The following WWOX variants were observed in gnomAD, a reference collection of about 807,000 sequenced individuals.
WWOX encodes WW domain-containing oxidoreductase.
Under a neutral mutation model 46.2 loss-of-function variants are expected in WWOX, and 69 were observed. That is an observed-to-expected ratio of 1.49 (90% confidence interval 1.23 to 1.82). The LOEUF (loss-of-function observed/expected upper bound fraction) is 1.82, where lower values mean the gene tolerates loss of function less well. WWOX is among the 40% of genes most tolerant of loss of function. The pLI is 0.00. For synonymous variants in WWOX, 359 were observed against 202.6 expected, an observed-to-expected ratio of 1.77 and a Z score of -6.56; for missense variants, 919 against 542.6, an observed-to-expected ratio of 1.69 and a Z score of -6.89.
intron 8 of WWOX, among the ~76,000 whole-genome samples, chr16:78,543,774 C>G (rs536121261): frequency 1.3e-5 from 2 of 152,132 alleles, no homozygotes; most frequent in Non-Finnish European, 1.5e-5. Context: ...AATATACTGA[C>G]AATACACTGA....
intron 8 of WWOX, among the ~76,000 whole-genome samples, chr16:79,182,107 G>C (rs1028584067): frequency 4.2e-4 from 63 of 149,164 alleles, no homozygotes; most frequent in African/African-American, 1.5e-3. Flanking sequence ...GCTCACACCA[G>C]CCAGCTGGAG....
intron 8 of WWOX, chr16:78,890,126 T>G (rs1273903176): frequency 6.6e-6 from 1 of 152,142 alleles, no homozygotes; most frequent in Non-Finnish European, 1.5e-5. Flanking sequence ...TACACACATT[T>G]TTTCCTAAAC....
At chr16:78,451,410 G>A (rs553097916) in intron 8 of WWOX, among the ~76,000 whole-genome samples, 3 of 152,314 alleles carry the variant, frequency 2.0e-5, no homozygotes, top group African/African-American at 7.2e-5. Flanking sequence ...GTGGGATGGG[G>A]AGGAGCTGAG....
rs1177117163 is a variant in WWOX at position 78,474,181 on chromosome 16, T to A, written c.1056+41429T>A. Reference sequence around the variant, plus strand: ...CTGCTGAAATTTTAAGTGTTAACATTGTTCAAATTTTCATTACTAACACCT... The same window carrying A: ...CTGCTGAAATTTTAAGTGTTAACATAGTTCAAATTTTCATTACTAACACCT... On this transcript the variant is annotated intron_variant, in intron 8 of 8. Transcript: ENST00000566780. Among the ~76,000 whole-genome samples, 3 of 152,236 alleles carry A rather than the reference T, an allele frequency of 2.0e-5. No individual in the cohort carries two copies. In the East Asian group the frequency reaches 5.8e-4, roughly 29 times the overall value.
chr16:78,152,058 C>T (rs911360804), intron 4 of WWOX, among the ~76,000 whole-genome samples: 6 of 152,082 alleles, frequency 3.9e-5, no homozygotes, highest in African/African-American at 7.2e-5. Flanking sequence ...GGTGTGGTGG[C>T]GGGCGCCTGT....
intron 5 of WWOX, among the ~76,000 whole-genome samples, chr16:78,276,507 C>T (rs546058799): frequency 7.9e-5 from 12 of 152,318 alleles, no homozygotes; most frequent in East Asian, 7.7e-4. Context: ...CTGCGCGAGC[C>T]CCACTCTTCT....
intron 8 of WWOX, among the ~76,000 whole-genome samples, chr16:78,763,832 T>G (rs149777957): frequency 9.2e-4 from 140 of 152,356 alleles, no homozygotes; most frequent in African/African-American, 3.1e-3. Context: ...ATAGTAGAGC[T>G]GGCTCTCCTC....
At chr16:78,381,413 G>A (rs1007474468) in intron 5 of WWOX, among the ~76,000 whole-genome samples, 1 of 151,642 alleles carries the variant, frequency 6.6e-6, no homozygotes, top group Non-Finnish European at 1.5e-5. Context: ...CAAGGGAAAT[G>A]GGAGACATGC....
At chr16:78,386,830 A>G (rs2082070843) in intron 5 of WWOX, 30 bp from the exon 6 acceptor site, 4 of 1,588,754 alleles carry the variant, frequency 2.5e-6, no homozygotes, top group Non-Finnish European at 3.5e-6. Context: ...GCTGTTATTT[A>G]TCATTTCTTT....
intron 7 of WWOX, among the ~76,000 whole-genome samples, chr16:78,432,150 C>T (rs2083235062): frequency 1.3e-5 from 2 of 150,146 alleles, no homozygotes; most frequent in Middle Eastern, 6.9e-3. Flanking sequence ...CCGAGTCTAG[C>T]TCTGTCACCC....
intron 8 of WWOX, among the ~76,000 whole-genome samples, chr16:78,954,957 T>C (rs2046135136): frequency 6.6e-6 from 1 of 152,120 alleles, no homozygotes; most frequent in Non-Finnish European, 1.5e-5. Flanking sequence ...GCCAGTCTAA[T>C]TTTTAAATTT....
chr16:78,143,993 T>G (rs562258697), intron 4 of WWOX, among the ~76,000 whole-genome samples: 1 of 152,072 alleles, frequency 6.6e-6, no homozygotes, highest in Non-Finnish European at 1.5e-5. Context: ...ACCCATACAT[T>G]TAAATCATAC....
At chr16:79,026,579 G>A (rs1042997008) in intron 8 of WWOX, among the ~76,000 whole-genome samples, 2 of 150,764 alleles carry the variant, frequency 1.3e-5, no homozygotes, top group Admixed American at 6.6e-5. Flanking sequence ...CCTGCCTCTA[G>A]GGGAGAGAAC....
At chr16:78,802,633 T>C (rs1434242566) in intron 8 of WWOX, among the ~76,000 whole-genome samples, 1 of 151,984 alleles carries the variant, frequency 6.6e-6, no homozygotes, top group Non-Finnish European at 1.5e-5. Context: ...AATGGTTGAA[T>C]GGCTGGCCAC....
intron 8 of WWOX, among the ~76,000 whole-genome samples, chr16:78,482,674 G>C (rs1396472218): frequency 6.6e-6 from 1 of 152,172 alleles, no homozygotes; most frequent in East Asian, 1.9e-4. Flanking sequence ...GAGAAACTGA[G>C]GCTTAGAGAG....
At chr16:78,816,606 C>A (rs1321080161) in intron 8 of WWOX, among the ~76,000 whole-genome samples, 2 of 134,342 alleles carry the variant, frequency 1.5e-5, no homozygotes. Context: ...CTTTTGGGTA[C>A]TGAGTTGTAA....
chr16:78,980,057 G>C (rs755018371), intron 8 of WWOX, among the ~76,000 whole-genome samples: 3 of 152,166 alleles, frequency 2.0e-5, no homozygotes, highest in Non-Finnish European at 4.4e-5. Flanking sequence ...GAACTCAGAA[G>C]GCCAAGGTTG....
intron 8 of WWOX, among the ~76,000 whole-genome samples, chr16:78,947,984 A>T (rs531119708): frequency 1.3e-5 from 2 of 152,220 alleles, no homozygotes; most frequent in East Asian, 3.9e-4. Context: ...AGGACATTCT[A>T]GAGGAAGTCA....
intron 8 of WWOX, among the ~76,000 whole-genome samples, chr16:78,855,968 C>T (rs961402535): frequency 5.3e-5 from 8 of 152,132 alleles, no homozygotes; most frequent in African/African-American, 1.9e-4. Context: ...CGGAAAAAGT[C>T]GGTGCACGCA....
Sources: allele counts gnomAD v4.1 joint callset (sites outside exome capture counted in the v4.1 genomes callset), GRCh38; gene constraint gnomAD v4.1.1; transcripts MANE v1.5; gene names NCBI Gene and HGNC (gene_info 2026-07-23, HGNC 2026-07-21).